Variants in WNT7A observed in about 807,000 individuals in gnomAD.
WNT7A encodes protein Wnt-7a.
Under a neutral mutation model 28.2 loss-of-function variants are expected in WNT7A, and 16 were observed. That is an observed-to-expected ratio of 0.57 (90% confidence interval 0.38 to 0.86). WNT7A has a LOEUF of 0.86. Ranked by LOEUF, WNT7A falls within the 40% of genes least tolerant of loss-of-function variation. WNT7A has a pLI of 0.00. For missense variants in WNT7A, 411 were observed against 489.7 expected, an observed-to-expected ratio of 0.84 and a Z score of 1.52; for synonymous variants, 190 against 195.9, an observed-to-expected ratio of 0.97 and a Z score of 0.25.
At chr3:13,869,962 C>T (rs778583155) in intron 2 of WNT7A, among the ~76,000 whole-genome samples, 2 of 152,136 alleles carry the variant, frequency 1.3e-5, no homozygotes, top group African/African-American at 2.4e-5. Flanking sequence ...CATGACCATG[C>T]CTTTGCTCTG....
chr3:13,828,806 G>A (rs569757138), intron 3 of WNT7A, among the ~76,000 whole-genome samples: 1 of 152,278 alleles, frequency 6.6e-6, no homozygotes, highest in African/African-American at 2.4e-5. Context: ...CAGTGACCTG[G>A]GCAACCAGAA....
rs537457182 is a variant in WNT7A at position 13,849,933 on chromosome 3, A to G, written c.570+4599T>C. Reference sequence around the variant, plus strand: ...GAGAAGCTGCAGACAGGGTTGGGGTACAATGGTCCCAAGAACCCCATGTCA... The same window carrying G: ...GAGAAGCTGCAGACAGGGTTGGGGTGCAATGGTCCCAAGAACCCCATGTCA... On this transcript the variant is annotated intron_variant, in intron 3 of 3. Coordinates refer to ENST00000285018, the MANE Select transcript of WNT7A (RefSeq NM_004625.4). Among the ~76,000 whole-genome samples the G allele has an allele frequency of 5.3e-5, 8 of 152,272 alleles. No individual in the cohort carries two copies. The South Asian group carries it at 1.7e-3, about 32-fold the overall frequency.
chr3:13,876,763 C>T (rs1217398424), intron 1 of WNT7A, among the ~76,000 whole-genome samples: 3 of 152,102 alleles, frequency 2.0e-5, no homozygotes, highest in Non-Finnish European at 4.4e-5. Context: ...GCGCTCTCAC[C>T]CCTGATCTTC....
At chr3:13,834,567 C>G (rs1440361362) in intron 3 of WNT7A, among the ~76,000 whole-genome samples, 1 of 152,088 alleles carries the variant, frequency 6.6e-6, no homozygotes, top group Non-Finnish European at 1.5e-5. Context: ...CTCATTCACT[C>G]CATGCTGGTC....
At position 13,817,390 on chromosome 3, in the gene WNT7A, C is replaced by T. The variant is rs1446100866; in HGVS notation, c.*1554G>A. 1 of 152,056 alleles carries T rather than the reference C, an allele frequency of 6.6e-6. No individual in the cohort carries two copies. Among genetic ancestry groups the T allele is most frequent in the Non-Finnish European group, 1.5e-5 (1 of 68,412 alleles). 9.4% of individuals were successfully genotyped at this position (152,056 alleles called of 1,614,324 possible). On this transcript the variant is annotated 3_prime_UTR_variant, in exon 4 of 4. Transcript: ENST00000285018. The stretch of plus-strand genomic sequence containing the variant: ...GGAGGCGCTGCAAGGCGCAAAGTCA[C>T]GTGACTACACTCAAGTCCCTAAGAA...
intron 3 of WNT7A, among the ~76,000 whole-genome samples, chr3:13,853,919 T>C (rs896501694): frequency 1.3e-5 from 2 of 152,114 alleles, no homozygotes; most frequent in African/African-American, 4.8e-5. Flanking sequence ...ACCTGGGACC[T>C]GCAGGGTGAT....
intron 3 of WNT7A, among the ~76,000 whole-genome samples, chr3:13,829,738 G>A (rs753011802): frequency 2.0e-5 from 3 of 152,182 alleles, no homozygotes; most frequent in Non-Finnish European, 4.4e-5. Context: ...GAGGAGAGAA[G>A]CAGGTTGGCT....
At position 13,818,220 on chromosome 3, in the gene WNT7A, T is replaced by C. The variant is rs1457816643; in HGVS notation, c.*724A>G. Reference sequence around the variant, plus strand: ...GGGAATTTATTATTTTTCCTCTCTATTTATTCCAAACTGGATTTTTCTAAT... The same window carrying C: ...GGGAATTTATTATTTTTCCTCTCTACTTATTCCAAACTGGATTTTTCTAAT... On this transcript the variant is annotated 3_prime_UTR_variant, in exon 4 of 4. Transcript: ENST00000285018. The C allele has an allele frequency of 6.6e-6, 1 of 152,062 alleles. No individual in the cohort carries two copies. The highest frequency in any genetic ancestry group is 1.5e-5 in the Non-Finnish European group (1 of 68,008). 9.4% of individuals were successfully genotyped at this position (152,062 alleles called of 1,614,324 possible). A position where few individuals can be genotyped will look rare whatever the true frequency, so the allele number is the denominator to read the frequency against.
At chr3:13,865,414 T>C (rs949896305) in intron 2 of WNT7A, among the ~76,000 whole-genome samples, 2 of 50,844 alleles carry the variant, frequency 3.9e-5, no homozygotes, top group Non-Finnish European at 6.5e-5. Flanking sequence ...CTAGACCTAG[T>C]CAACATTTTT....
At chr3:13,856,963 A>AAGAAGAAGAAGAAGAAGGAGAAGG in intron 2 of WNT7A, among the ~76,000 whole-genome samples, 1 of 115,302 alleles carries the variant, frequency 8.7e-6, no homozygotes, top group Non-Finnish European at 1.7e-5. Context: ...GAAGAAGAAG[A>AAGAAGAAGAAGAAGAAGGAGAAGG]AGAAGGAGAA....
At chr3:13,856,534 G>A (rs933858327) in intron 2 of WNT7A, among the ~76,000 whole-genome samples, 9 of 152,150 alleles carry the variant, frequency 5.9e-5, no homozygotes, top group African/African-American at 2.2e-4. Context: ...CATCTCTGAG[G>A]GGGCCAGGCA....
In WNT7A at chr3:13,854,790, A is replaced by G; in HGVS notation, c.312T>C (p.Ala104=). 2 of 1,612,848 alleles carry G rather than the reference A, an allele frequency of 1.2e-6. No homozygotes were observed. Among genetic ancestry groups the G allele is most frequent in the Non-Finnish European group, 1.7e-6 (2 of 1,180,044 alleles). The change falls in exon 3 of 4, where the codon GCT becomes GCC. Residue 104 remains alanine (A), a synonymous_variant. Transcript: ENST00000285018. Reference sequence around the variant, plus strand: ...CGGCAATGATGGCGTAGGTGAACGCAGCCTCCCGGCTCCCTGCGAGGAGGA... The same window carrying G: ...CGGCAATGATGGCGTAGGTGAACGCGGCCTCCCGGCTCCCTGCGAGGAGGA... The part of the protein sequence containing the change: ...GKELKVGSRE[A]AFTYAIIAAG...
At chr3:13,866,604 G>A (rs746975385) in intron 2 of WNT7A, among the ~76,000 whole-genome samples, 4 of 152,192 alleles carry the variant, frequency 2.6e-5, no homozygotes, top group Admixed American at 6.5e-5. Flanking sequence ...TGACAGGTGA[G>A]TAGAGGATAG....
chr3:13,857,756 C>A (rs983457085), intron 2 of WNT7A, among the ~76,000 whole-genome samples: 5 of 152,052 alleles, frequency 3.3e-5, no homozygotes, highest in Admixed American at 2.0e-4. Flanking sequence ...CCAGAATAGA[C>A]CCTCAAGGAC....
intron 2 of WNT7A, among the ~76,000 whole-genome samples, chr3:13,872,705 A>G (rs2124877998): frequency 6.6e-6 from 1 of 152,268 alleles, no homozygotes; most frequent in Admixed American, 6.5e-5. Flanking sequence ...CTCTTCTACA[A>G]CCATGGCCAG....
At chr3:13,869,010 GAGAGAGAGAA>G (rs1694981363) in intron 2 of WNT7A, among the ~76,000 whole-genome samples, 1 of 143,986 alleles carries the variant, frequency 6.9e-6, no homozygotes, top group South Asian at 2.2e-4. Flanking sequence ...GAGAAAGAAA[GAGAGAGAGAA>G]AGAGAGAAAG....
Position 13,819,869 on chromosome 3 carries a change from T to A in WNT7A, c.571-446A>T, listed in dbSNP as rs569114313. 8.5e-5 allele frequency among the ~76,000 whole-genome samples: 13 copies of A among 152,298 alleles called. No individual in the cohort carries two copies. The South Asian group carries it at 2.7e-3, about 32-fold the overall frequency. On this transcript the variant is annotated intron_variant, in intron 3 of 3. Coordinates refer to ENST00000285018, the MANE Select transcript of WNT7A (RefSeq NM_004625.4). The stretch of plus-strand genomic sequence containing the variant: ...GTTTTTCATTTAAACTTTATTCACC[T>A]ACAAAGACAGTGGACTGGAGTTGGG...
intron 3 of WNT7A, among the ~76,000 whole-genome samples, chr3:13,852,870 A>T (rs956222009): frequency 1.3e-5 from 2 of 152,132 alleles, no homozygotes; most frequent in Non-Finnish European, 2.9e-5. Context: ...CAGGAAATAC[A>T]TAGTGTCTGT....
chr3:13,822,711 C>T (rs1694132686), intron 3 of WNT7A, among the ~76,000 whole-genome samples: 1 of 152,188 alleles, frequency 6.6e-6, no homozygotes, highest in South Asian at 2.1e-4. Context: ...CACTGTATGG[C>T]ATGTGAATTA....
Sources: gnomAD v4.1 joint callset for allele counts (sites outside exome capture counted in the v4.1 genomes callset) on GRCh38, gnomAD v4.1.1 for gene constraint, MANE v1.5 for transcripts, NCBI Gene and HGNC (gene_info 2026-07-23, HGNC 2026-07-21) for gene names.